Variants in LIPK observed in about 807,000 individuals in gnomAD.
LIPK encodes lipase member K.
Under a neutral mutation model 48.6 loss-of-function variants are expected in LIPK, and 32 were observed. The ratio of observed to expected loss-of-function variants is 0.66; its 90% CI spans 0.50 to 0.88. The LOEUF is 0.88. Ranked by LOEUF, LIPK falls within the 40% of genes least tolerant of loss-of-function variation. The pLI is 0.00. For synonymous variants in LIPK, 164 were observed against 157.4 expected, an observed-to-expected ratio of 1.04 and a Z score of -0.32; for missense variants, 507 against 478.5, an observed-to-expected ratio of 1.06 and a Z score of -0.56.
At chr10:88,712,444 T>G (rs1338692735) in intron 1 of LIPK, among the ~76,000 whole-genome samples, 1 of 152,206 alleles carries the variant, frequency 6.6e-6, no homozygotes, top group African/African-American at 2.4e-5. Flanking sequence ...AAATCCATAC[T>G]GTGGACCTAC....
intron 2 of LIPK, 132 bp from the exon 3 acceptor site, chr10:88,726,663 C>A: frequency 1.6e-6 from 1 of 619,506 alleles, no homozygotes; most frequent in Non-Finnish European, 2.8e-6. Context: ...CACTGCACTC[C>A]AGCCCAGGGA....
chr10:88,725,877 A>G (rs1842327842), intron 2 of LIPK, among the ~76,000 whole-genome samples: 3 of 152,236 alleles, frequency 2.0e-5, no homozygotes, highest in African/African-American at 7.2e-5. Context: ...CTGTAAGGAC[A>G]GGTCAACAAG....
intron 4 of LIPK, among the ~76,000 whole-genome samples, chr10:88,731,705 C>T (rs1842471713): frequency 6.6e-6 from 1 of 152,184 alleles, no homozygotes; most frequent in Admixed American, 6.5e-5. Context: ...TAGAAAATTC[C>T]CTAGGTAAGT....
At chr10:88,729,603 T>C (rs390400) in intron 3 of LIPK, among the ~76,000 whole-genome samples, 37,592 of 152,104 alleles carry the variant, frequency 0.25, 4,850 homozygotes, top group East Asian at 0.37. Flanking sequence ...GAGAAACTCT[T>C]TTTCTAATCT....
At chr10:88,746,170 A>G (rs978953837) in intron 9 of LIPK, among the ~76,000 whole-genome samples, 8 of 152,168 alleles carry the variant, frequency 5.3e-5, no homozygotes, top group Non-Finnish European at 1.0e-4. Context: ...TAACCACACA[A>G]CAATAGTGGG....
intron 4 of LIPK, among the ~76,000 whole-genome samples, chr10:88,731,747 A>T (rs1842472274): frequency 6.6e-6 from 1 of 152,266 alleles, no homozygotes; most frequent in African/African-American, 2.4e-5. Context: ...ATCAGAAGTA[A>T]CTGAGGTCAT....
intron 8 of LIPK, among the ~76,000 whole-genome samples, chr10:88,742,416 T>C (rs1041359119): frequency 6.6e-6 from 1 of 152,122 alleles, no homozygotes; most frequent in Non-Finnish European, 1.5e-5. Flanking sequence ...AATTGGTAAG[T>C]GGGAAAAATA....
chr10:88,713,404 C>G (rs376625199), intron 1 of LIPK, among the ~76,000 whole-genome samples: 31 of 133,920 alleles, frequency 2.3e-4, no homozygotes, highest in African/African-American at 8.5e-4. Flanking sequence ...TGTTGTATTA[C>G]CATAACAGTG....
chr10:88,743,639 T>A (rs1380960957), intron 9 of LIPK, among the ~76,000 whole-genome samples: 2 of 152,004 alleles, frequency 1.3e-5, no homozygotes, highest in Non-Finnish European at 2.9e-5. Context: ...AGGAAGAGTT[T>A]CTCCCATTAA....
chr10:88,752,124 A>G (rs566191767), intron 9 of LIPK, among the ~76,000 whole-genome samples: 1 of 152,158 alleles, frequency 6.6e-6, no homozygotes, highest in Non-Finnish European at 1.5e-5. Context: ...CCAAATATTA[A>G]TAATGCCACT....
intron 1 of LIPK, among the ~76,000 whole-genome samples, chr10:88,715,576 T>C (rs896642911): frequency 6.6e-6 from 1 of 152,136 alleles, no homozygotes; most frequent in African/African-American, 2.4e-5. Flanking sequence ...GCTTTTTTTA[T>C]ACATATTATA....
chr10:88,724,600 T>C lies in LIPK; in HGVS notation c.57T>C (p.Gly19=). ...CWMLLLGSMY[G]YDKKGNNANP... ...TGCTTCTTCTTGGATCTATGTATGG[T>C]TATGACAAGAAAGGAAACAATGCAA... The change falls in exon 2 of 10, where the codon GGT becomes GGC. Residue 19 remains glycine, a synonymous_variant. Transcript: ENST00000404190. 6.2e-7 allele frequency: 1 copy of C among 1,608,092 alleles called. No individual in the cohort carries two copies. The highest frequency in any genetic ancestry group is 1.1e-5 in the South Asian group (1 of 89,258).
At chr10:88,709,968 G>A (rs148652630) in intron 1 of LIPK, among the ~76,000 whole-genome samples, 9 of 152,060 alleles carry the variant, frequency 5.9e-5, no homozygotes, top group African/African-American at 2.2e-4. Context: ...CTAGGTATGT[G>A]CCTATGTATT....
At chr10:88,743,556 A>G (rs1842718141) in intron 9 of LIPK, among the ~76,000 whole-genome samples, 1 of 147,590 alleles carries the variant, frequency 6.8e-6, no homozygotes, top group Non-Finnish European at 1.5e-5. Context: ...CAGAGAGGGT[A>G]GGTAAATTAC....
intron 9 of LIPK, among the ~76,000 whole-genome samples, chr10:88,751,463 G>T (rs972629008): frequency 6.6e-6 from 1 of 152,058 alleles, no homozygotes; most frequent in African/African-American, 2.4e-5. Flanking sequence ...TGGCTCAAGC[G>T]ATTCTCTTGC....
At chr10:88,751,220 T>C (rs1842857829) in intron 9 of LIPK, among the ~76,000 whole-genome samples, 1 of 152,164 alleles carries the variant, frequency 6.6e-6, no homozygotes, top group Non-Finnish European at 1.5e-5. Flanking sequence ...GAAATGTGTA[T>C]TGTTATTGTT....
At chr10:88,723,468 T>C (rs532343361) in intron 1 of LIPK, among the ~76,000 whole-genome samples, 3 of 152,142 alleles carry the variant, frequency 2.0e-5, no homozygotes, top group Non-Finnish European at 4.4e-5. Flanking sequence ...AATTTGAAGA[T>C]CTGTATTTTA....
At chr10:88,729,077 A>G (rs1590144302) in intron 3 of LIPK, among the ~76,000 whole-genome samples, 3 of 151,708 alleles carry the variant, frequency 2.0e-5, no homozygotes, top group Admixed American at 1.3e-4. Flanking sequence ...CCTAGGGTAC[A>G]CCTCTTGCCC....
In LIPK at chr10:88,730,617, C is replaced by T. The variant is rs553668211; in HGVS notation, c.224-366C>T. ...AGACAGCCTTTTACATGTTTTAGTT[C>T]TCATCGAATTCTTATAAATACCCTA... On this transcript the variant is annotated intron_variant, in intron 3 of 9. Transcript: ENST00000404190. Among the ~76,000 whole-genome samples, 4 of 152,260 alleles carry T rather than the reference C, an allele frequency of 2.6e-5. No individual in the cohort carries two copies. In the South Asian group the frequency reaches 6.2e-4, roughly 24 times the overall value.
Sources: gnomAD v4.1 joint callset for allele counts (sites outside exome capture counted in the v4.1 genomes callset) on GRCh38, gnomAD v4.1.1 for gene constraint, MANE v1.5 for transcripts, NCBI Gene and HGNC (gene_info 2026-07-23, HGNC 2026-07-21) for gene names.